SLC5A12: variants seen among roughly 807,000 people sequenced by gnomAD.
SLC5A12 encodes the protein sodium-coupled monocarboxylate transporter 2.
A neutral mutation model predicts 72.7 loss-of-function variants in SLC5A12; 46 were observed. That is an observed-to-expected ratio of 0.63 (90% CI 0.50 to 0.81). The LOEUF (loss-of-function observed/expected upper bound fraction) is 0.81. Ranked by LOEUF, SLC5A12 falls within the 30% of genes least tolerant of loss-of-function variation. SLC5A12 has a pLI of 0.00. For missense variants in SLC5A12, 683 were observed against 740.7 expected, an observed-to-expected ratio of 0.92 and a Z score of 0.90; for synonymous variants, 275 against 264.4, an observed-to-expected ratio of 1.04 and a Z score of -0.39.
At chr11:26,703,741 A>C (rs1855018783) in intron 5 of SLC5A12, 52 bp downstream of exon 5, 2 of 1,612,620 alleles carry the variant, frequency 1.2e-6, no homozygotes, top group Non-Finnish European at 1.7e-6. Flanking sequence ...TTAGGTGATA[A>C]GGTCATGTAG....
At chr11:26,694,435 A>C (rs900728709) in intron 8 of SLC5A12, among the ~76,000 whole-genome samples, 8 of 152,168 alleles carry the variant, frequency 5.3e-5, no homozygotes, top group African/African-American at 1.9e-4. Flanking sequence ...AGGGCAAAAA[A>C]TAAAGCATGT....
intron 1 of SLC5A12, among the ~76,000 whole-genome samples, chr11:26,716,585 C>T (rs1229735024): frequency 6.6e-6 from 1 of 152,076 alleles, no homozygotes. Flanking sequence ...ATTTTCAGAA[C>T]CCCAAACTTG....
chr11:26,671,087 C>A lies in SLC5A12; in HGVS notation c.*15G>T. The stretch of plus-strand genomic sequence containing the variant: ...TGTATTGCACGTGTGTGTGTGCATT[C>A]ATACAGGTATTGCCTTAGAAATGGG... On this transcript the variant is annotated 3_prime_UTR_variant, in exon 15 of 15. Transcript: ENST00000396005. 1 of 1,558,140 alleles carries A rather than the reference C, an allele frequency of 6.4e-7. No homozygotes were observed. The highest frequency in any genetic ancestry group is 1.1e-5 in the South Asian group (1 of 88,186).
At chr11:26,677,987 G>A (rs560372060) in intron 13 of SLC5A12, among the ~76,000 whole-genome samples, 1 of 152,096 alleles carries the variant, frequency 6.6e-6, no homozygotes, top group Admixed American at 6.6e-5. Context: ...CATGGGCTTT[G>A]AAACAAAAAG....
At chr11:26,713,952 G>A (rs572521758) in intron 1 of SLC5A12, among the ~76,000 whole-genome samples, 2 of 152,092 alleles carry the variant, frequency 1.3e-5, no homozygotes, top group South Asian at 4.2e-4. Context: ...CAGTTACATT[G>A]CCTTTTCTTT....
At chr11:26,711,053 CA>C (rs978931720) in intron 3 of SLC5A12, among the ~76,000 whole-genome samples, 5 of 151,804 alleles carry the variant, frequency 3.3e-5, no homozygotes, top group African/African-American at 1.2e-4. Context: ...AAATAAAAAC[CA>C]AATCCCAAAC....
Position 26,692,594 on chromosome 11 carries a change from C to T in SLC5A12, c.1048G>A (p.Ala350Thr), listed in dbSNP as rs1156692952. The change falls in exon 9 of 15, where the codon GCT becomes ACT. Residue 350 changes from alanine (A) to threonine (T), a missense_variant. Transcript: ENST00000396005. ...CAFSGTLSTV[A>T]SSINALATVT... ...GTTGCCAAGGCATTGATGCTGGAAG[C>T]CACGGTGCTATAAGGAAAGAAAAGT... 4 of 1,612,674 alleles carry T rather than the reference C, an allele frequency of 2.5e-6. No individual in the cohort carries two copies. The South Asian group carries it at 3.3e-5, about 13-fold the overall frequency.
At chr11:26,719,125 C>A (rs1000741767) in intron 1 of SLC5A12, among the ~76,000 whole-genome samples, 1 of 152,102 alleles carries the variant, frequency 6.6e-6, no homozygotes, top group African/African-American at 2.4e-5. Flanking sequence ...ATGTAATGAG[C>A]AGCACATATG....
At chr11:26,689,408 GA>G (rs976558790) in intron 9 of SLC5A12, among the ~76,000 whole-genome samples, 41 of 145,062 alleles carry the variant, frequency 2.8e-4, no homozygotes, top group African/African-American at 7.8e-4. Context: ...CTCACAAAAA[GA>G]AAAAAAAAAG....
rs550966580 is a variant in SLC5A12, at chr11:26,721,858, T to C, written c.-144A>G. 184 of 736,372 alleles carry C rather than the reference T, an allele frequency of 2.5e-4. No individual in the cohort carries two copies. In the South Asian group the frequency reaches 3.0e-3, roughly 12 times the overall value. 45.6% of individuals were successfully genotyped at this position (736,372 alleles called of 1,614,324 possible). ...AGAAAATGATTACCAGAGGCACTCG[T>C]GTGAATCTTCAGACACCAACGTGTA... On this transcript the variant is annotated 5_prime_UTR_variant, in exon 1 of 15. Coordinates refer to ENST00000396005, the MANE Select transcript of SLC5A12 (RefSeq NM_178498.4).
In SLC5A12 at chr11:26,709,359, C is replaced by A; in HGVS notation, c.478G>T (p.Gly160Cys). 1 of 1,610,850 alleles carries A rather than the reference C, an allele frequency of 6.2e-7. No individual in the cohort carries two copies. Among genetic ancestry groups the A allele is most frequent in the South Asian group, 1.1e-5 (1 of 90,728 alleles). The change falls in exon 4 of 15, where the codon GGC (glycine) becomes TGC (cysteine). Residue 160 changes from glycine to cysteine, a missense_variant. Coordinates refer to ENST00000396005, the MANE Select transcript of SLC5A12 (RefSeq NM_178498.4). The stretch of plus-strand genomic sequence containing the variant: ...ACAATTCCTGTTGCAAACACAGAGC[C>A]CCAGAGATCAAACCCAGTCACTAGG... Reference protein sequence around the residue: ...LNQVTGFDLWGSVFATGIVCT... With the variant: ...LNQVTGFDLWCSVFATGIVCT...
In SLC5A12 at chr11:26,681,212, C is replaced by T. The variant is rs1272971572; in HGVS notation, c.1318G>A (p.Gly440Arg). The T allele has an allele frequency of 6.3e-7, 1 of 1,587,714 alleles. No homozygotes were observed. The highest frequency in any genetic ancestry group is 1.8e-5 in the Admixed American group (1 of 55,174). Reference protein sequence around the residue: ...FPFVNWKGALGGLLTGITLSF... With the variant: ...FPFVNWKGALRGLLTGITLSF... The stretch of plus-strand genomic sequence containing the variant: ...AAGGTGATTCCAGTAAGAAGACCTC[C>T]TAGTGCACCCTGGATGAAGAAGAAA... The change falls in exon 12 of 15, where the codon GGA (glycine) becomes AGA (arginine). Residue 440 changes from glycine (G) to arginine (R), a missense_variant. Physicochemically the swap from Gly to Arg is moderately radical, Grantham distance 125. Transcript: ENST00000396005.
intron 4 of SLC5A12, among the ~76,000 whole-genome samples, chr11:26,706,142 C>A (rs1424450135): frequency 6.6e-6 from 1 of 151,946 alleles, no homozygotes; most frequent in East Asian, 1.9e-4. Context: ...TTTTATACAT[C>A]CACAGGCTTA....
At position 26,668,790 on chromosome 11, in the gene SLC5A12, C is replaced by T. The variant is rs1365521119; in HGVS notation, c.*2312G>A. 2 of 151,908 alleles carry T rather than the reference C, an allele frequency of 1.3e-5. No individual in the cohort carries two copies. Among genetic ancestry groups the T allele is most frequent in the African/African-American group, 4.8e-5 (2 of 41,394 alleles). 9.4% of individuals were successfully genotyped at this position (151,908 alleles called of 1,614,324 possible). ...ATAAATTTCATTACACAAGAGAAGG[C>T]AGAGATATTTTTATAATAATAATTG... On this transcript the variant is annotated 3_prime_UTR_variant, in exon 15 of 15. Coordinates refer to ENST00000396005, the MANE Select transcript of SLC5A12 (RefSeq NM_178498.4).
chr11:26,708,833 A>G (rs755333014), intron 4 of SLC5A12, among the ~76,000 whole-genome samples: 26 of 152,096 alleles, frequency 1.7e-4, no homozygotes, highest in Non-Finnish European at 3.1e-4. Flanking sequence ...ATCCAGGCTT[A>G]CCCAGAAATA....
chr11:26,694,891 A>G (rs1854772992), intron 8 of SLC5A12, among the ~76,000 whole-genome samples: 1 of 152,116 alleles, frequency 6.6e-6, no homozygotes. Flanking sequence ...CCAAAAGTCA[A>G]TATCTTATTA....
In SLC5A12 at chr11:26,698,043, G is replaced by A. The variant is rs1253874808; in HGVS notation, c.951+363C>T. Among the ~76,000 whole-genome samples the A allele has an allele frequency of 2.6e-5, 4 of 151,862 alleles. No individual in the cohort carries two copies. The East Asian group carries it at 7.8e-4, about 30-fold the overall frequency. On this transcript the variant is annotated intron_variant, in intron 7 of 14. Transcript: ENST00000396005. The stretch of plus-strand genomic sequence containing the variant: ...CTCTTGAGTAGCTGGGATTACAGGT[G>A]CCCGCCACCTTGCCTGGCTAATTTT...
intron 12 of SLC5A12, 125 bp from the exon 13 acceptor site, chr11:26,678,940 T>C: frequency 1.9e-6 from 1 of 518,308 alleles, no homozygotes; most frequent in Non-Finnish European, 3.4e-6. Flanking sequence ...TTTTTGTCAT[T>C]TAAAAAATTA....
intron 12 of SLC5A12, among the ~76,000 whole-genome samples, chr11:26,680,079 A>G (rs1854356877): frequency 6.6e-6 from 1 of 151,748 alleles, no homozygotes; most frequent in Admixed American, 6.6e-5. Context: ...AATTTGCCAC[A>G]TTATCTGGCC....
Sources: gnomAD v4.1 joint callset for allele counts (sites outside exome capture counted in the v4.1 genomes callset) on GRCh38, gnomAD v4.1.1 for gene constraint, MANE v1.5 for transcripts, NCBI Gene and HGNC (gene_info 2026-07-23, HGNC 2026-07-21) for gene names.